Variants in CACNA1A observed in about 807,000 individuals in gnomAD.
The protein encoded by CACNA1A is voltage-dependent P/Q-type calcium channel subunit alpha-1A.
CACNA1A carries 57 observed loss-of-function variants against 262.4 expected under a neutral mutation model. The observed-to-expected ratio is 0.22, with a 90% CI of 0.18 to 0.27. CACNA1A has a LOEUF of 0.27. CACNA1A is among the 10% of genes least tolerant of loss of function. The pLI, the probability that CACNA1A is intolerant of heterozygous loss-of-function variation, is 1.00. For synonymous variants in CACNA1A, 1,431 were observed against 1,419.3 expected (o/e 1.01, Z -0.18); for missense variants, 2,526 against 3,562.8 (o/e 0.71, Z 7.41).
intron 26 of CACNA1A, 142 bp from the exon 27 acceptor site, chr19:13,259,843 G>T: frequency 1.3e-6 from 1 of 770,088 alleles, no homozygotes; most frequent in African/African-American, 1.7e-5. Context: ...TCCCCATCCT[G>T]CCACCATGTG....
chr19:13,340,103 C>T lies in CACNA1A; in HGVS notation c.979-4194G>A, dbSNP rs553404541. Reference sequence around the variant, plus strand: ...CCAGTAGGGAGACTCTGAGCCATCACGAGGAGCAGGCTCAGATGACAGGGA... The same window carrying T: ...CCAGTAGGGAGACTCTGAGCCATCATGAGGAGCAGGCTCAGATGACAGGGA... On this transcript the variant is annotated intron_variant, in intron 6 of 46. Coordinates refer to ENST00000360228, the MANE Select transcript of CACNA1A (RefSeq NM_001127222.2). Among the ~76,000 whole-genome samples, 5 of 152,204 alleles carry T rather than the reference C, an allele frequency of 3.3e-5. No individual in the cohort carries two copies. The South Asian group carries it at 1.0e-3, about 32-fold the overall frequency.
intron 3 of CACNA1A, among the ~76,000 whole-genome samples, chr19:13,396,736 C>T (rs972572433): frequency 6.6e-6 from 1 of 152,202 alleles, no homozygotes; most frequent in Non-Finnish European, 1.5e-5. Flanking sequence ...CTAGTCATTC[C>T]CTGTGTGCCC....
chr19:13,271,563 G>C (rs150577521), intron 24 of CACNA1A: 1 of 152,032 alleles, frequency 6.6e-6, no homozygotes, highest in Non-Finnish European at 1.5e-5. Context: ...TTTTTGGTTC[G>C]CTTTTGCAGA....
chr19:13,212,525 G>A lies in CACNA1A; in HGVS notation c.6051-3C>T, dbSNP rs1318280840. 6.4e-7 allele frequency: 1 copy of A among 1,564,784 alleles called. No individual in the cohort carries two copies. The highest frequency in any genetic ancestry group is 8.7e-7 in the Non-Finnish European group (1 of 1,153,246). On this transcript the variant is annotated splice_region_variant and splice_polypyrimidine_tract_variant and intron_variant, in intron 41 of 46. Transcript: ENST00000360228. The surrounding 1 kb of genome is among the most constrained non-coding windows in gnomAD (Gnocchi z 5.6). ...TGAGGCCGCTTTCGTGAGCCATCCT[G>A]CATGGGGGACAGAGGCCGGGGTAGC... is the stretch of plus-strand genomic sequence containing the variant.
At chr19:13,446,448 T>TC (rs1242470399) in intron 3 of CACNA1A, among the ~76,000 whole-genome samples, 4 of 145,770 alleles carry the variant, frequency 2.7e-5, no homozygotes, top group African/African-American at 7.6e-5. Context: ...CTTTCTTTTT[T>TC]TTTTTTTTTT....
At chr19:13,301,749 C>T (rs577080508) in intron 17 of CACNA1A, among the ~76,000 whole-genome samples, 1 of 152,308 alleles carries the variant, frequency 6.6e-6, no homozygotes, top group Non-Finnish European at 1.5e-5. Context: ...CATGCCATTG[C>T]AGGCAGCTCT....
intron 30 of CACNA1A, chr19:13,252,691 GAT>G (rs1427419934): frequency 5.2e-6 from 1 of 191,302 alleles, no homozygotes; most frequent in Non-Finnish European, 1.1e-5. Context: ...CGCCCAGCCT[GAT>G]TTCAGTTTTC....
intron 19 of CACNA1A, among the ~76,000 whole-genome samples, chr19:13,289,508 TA>T (rs1250754183): frequency 6.6e-6 from 1 of 152,174 alleles, no homozygotes; most frequent in Non-Finnish European, 1.5e-5. Flanking sequence ...CTCTGAGCCT[TA>T]GTTCCCACAT....
chr19:13,239,843 G>C (rs145723997), intron 31 of CACNA1A, among the ~76,000 whole-genome samples: 1 of 152,078 alleles, frequency 6.6e-6, no homozygotes, highest in Non-Finnish European at 1.5e-5. Flanking sequence ...GAGACACAGA[G>C]ACAGGAACAG....
At chr19:13,339,932 A>G (rs913289984) in intron 6 of CACNA1A, among the ~76,000 whole-genome samples, 3 of 152,202 alleles carry the variant, frequency 2.0e-5, no homozygotes, top group Non-Finnish European at 4.4e-5. Context: ...AGGTTCTGGA[A>G]GAAAGAACCG....
Position 13,208,873 on chromosome 19 carries a change from C to CGGG in CACNA1A, c.6660_6662dup (p.Pro2223dup), listed in dbSNP as rs780462469. ...GGGCATAGCGGTCCTTGTCGGGGGG[C>CGGG]GGGGGATGGTGGTGGTGGTGGTGGT... On this transcript the variant is annotated inframe_insertion, in exon 46 of 47. Coordinates refer to ENST00000360228, the MANE Select transcript of CACNA1A (RefSeq NM_001127222.2). The CGGG allele has an allele frequency of 8.0e-6, 7 of 870,610 alleles. No individual in the cohort carries two copies. Among genetic ancestry groups the CGGG allele is most frequent in the Non-Finnish European group, 1.3e-5 (7 of 558,594 alleles). The allele number at this position is 870,610 out of a possible 1,614,324, so 53.9% of individuals were successfully genotyped here. A position where few individuals can be genotyped will look rare whatever the true frequency, so the allele number is the denominator to read the frequency against.
intron 1 of CACNA1A, among the ~76,000 whole-genome samples, chr19:13,490,784 A>AG (rs924141370): frequency 2.5e-5 from 3 of 117,734 alleles, no homozygotes; most frequent in African/African-American, 1.7e-4. Flanking sequence ...AGGAAAGGAA[A>AG]GAAAGGAAAG....
intron 20 of CACNA1A, among the ~76,000 whole-genome samples, chr19:13,285,645 A>G (rs912260999): frequency 3.3e-5 from 5 of 152,112 alleles, no homozygotes; most frequent in Non-Finnish European, 7.4e-5. Flanking sequence ...CACTGAACAG[A>G]TAGAAATACT....
At chr19:13,362,976 A>G (rs770263226) in intron 5 of CACNA1A, 1 of 152,250 alleles carries the variant, frequency 6.6e-6, no homozygotes, top group African/African-American at 2.4e-5. Context: ...AAGCGTCCAG[A>G]GTGTCTGAGG....
At chr19:13,389,848 T>C (rs1661618239) in intron 3 of CACNA1A, among the ~76,000 whole-genome samples, 1 of 152,200 alleles carries the variant, frequency 6.6e-6, no homozygotes, top group Non-Finnish European at 1.5e-5. Context: ...AGTCTCGCTC[T>C]GTCGCCCAGG....
intron 30 of CACNA1A, among the ~76,000 whole-genome samples, chr19:13,247,509 T>C (rs1047140941): frequency 1.3e-5 from 2 of 152,018 alleles, no homozygotes; most frequent in African/African-American, 4.8e-5. Flanking sequence ...CTGGATAACA[T>C]GGTGAATCCC....
At chr19:13,324,635 G>C (rs999134991) in intron 10 of CACNA1A, among the ~76,000 whole-genome samples, 2 of 152,132 alleles carry the variant, frequency 1.3e-5, no homozygotes, top group Non-Finnish European at 1.5e-5. Flanking sequence ...TGGGAAGCCA[G>C]GGCAGGAGGA....
Position 13,207,464 on chromosome 19 carries a change from G to A in CACNA1A, c.7370C>T (p.Ala2457Val), listed in dbSNP as rs1205945897. 6.7e-7 allele frequency: 1 copy of A among 1,486,652 alleles called. No individual in the cohort carries two copies. The highest frequency in any genetic ancestry group is 8.9e-7 in the Non-Finnish European group (1 of 1,122,794). The allele number at this position is 1,486,652 out of a possible 1,614,324, so 92.1% of individuals were successfully genotyped here. Residue 2457 changes from alanine to valine, a missense_variant, in exon 47 of 47, where the codon GCC (alanine) becomes GTC (valine). Transcript: ENST00000360228. This position sits in a 1 kb window ranked among gnomAD's most constrained non-coding sequence, Gnocchi z 5.7. Reference protein sequence around the residue: ...ATGRSPRTPRASGPACASPSR... With the variant: ...ATGRSPRTPRVSGPACASPSR... ...AGGCGAGGCGCAGGCCGGGCCCGAG[G>A]CCCGGGGAGTCCTGGGCGAGCGCCC...
intron 3 of CACNA1A, among the ~76,000 whole-genome samples, chr19:13,420,292 T>A (rs907644357): frequency 7.9e-5 from 12 of 151,608 alleles, no homozygotes; most frequent in African/African-American, 2.9e-4. Flanking sequence ...CACTTCATGG[T>A]CTCTTTTCTT....
Sources: allele counts gnomAD v4.1 joint callset (sites outside exome capture counted in the v4.1 genomes callset), GRCh38; gene constraint gnomAD v4.1.1; non-coding constraint Gnocchi (gnomAD v3.1); transcripts MANE v1.5; gene names NCBI Gene and HGNC (gene_info 2026-07-23, HGNC 2026-07-21).